The following TAFA1 variants were observed in gnomAD, a reference collection of about 807,000 sequenced individuals.
The protein encoded by TAFA1 is TAFA chemokine like family member 1.
In TAFA1, 4 loss-of-function variants were observed where a neutral mutation model predicts 18.5. The ratio of observed to expected loss-of-function variants is 0.22; its 90% CI spans 0.11 to 0.49. The LOEUF is 0.49. TAFA1 is among the 20% of genes least tolerant of loss of function. The probability of loss-of-function intolerance (pLI) is 0.98; values close to 1 mark genes in which losing one functional copy is unlikely to be tolerated. For missense variants in TAFA1, 147 were observed against 169.0 expected (o/e 0.87, Z 0.72); for synonymous variants, 56 against 55.2 (o/e 1.01, Z -0.06).
intron 2 of TAFA1, among the ~76,000 whole-genome samples, chr3:68,034,118 CA>C (rs2106659721): frequency 6.6e-6 from 1 of 152,238 alleles, no homozygotes; most frequent in African/African-American, 2.4e-5. Context: ...TAACCACCTC[CA>C]GTGTCCATGA....
chr3:68,060,179 TG>T (rs891065461), intron 2 of TAFA1, among the ~76,000 whole-genome samples: 1 of 149,144 alleles, frequency 6.7e-6, no homozygotes, highest in African/African-American at 2.5e-5. Context: ...AGTCCACCAT[TG>T]CAACTGTGTG....
chr3:68,394,337 G>A (rs1020537688), intron 2 of TAFA1, among the ~76,000 whole-genome samples: 9 of 152,132 alleles, frequency 5.9e-5, no homozygotes, highest in Non-Finnish European at 8.8e-5. Flanking sequence ...CCATGCTCAT[G>A]GATAGGAAGA....
chr3:68,053,626 A>T (rs762925068), intron 2 of TAFA1, among the ~76,000 whole-genome samples: 2 of 152,194 alleles, frequency 1.3e-5, no homozygotes, highest in African/African-American at 2.4e-5. Flanking sequence ...AGAGACACTC[A>T]AACGGCAAAT....
chr3:68,002,695 T>C (rs570466706), upstream of TAFA1, among the ~76,000 whole-genome samples: 1 of 152,324 alleles, frequency 6.6e-6, no homozygotes, highest in South Asian at 2.1e-4. Context: ...TTCCATTAAA[T>C]ATTTTATCCC....
intron 2 of TAFA1, among the ~76,000 whole-genome samples, chr3:68,203,099 A>G (rs962607637): frequency 6.6e-6 from 1 of 151,682 alleles, no homozygotes; most frequent in Non-Finnish European, 1.5e-5. Flanking sequence ...TTTTTCTTTC[A>G]ACCCTTCAAA....
chr3:68,180,976 G>T (rs561586684), intron 2 of TAFA1, among the ~76,000 whole-genome samples: 22 of 152,296 alleles, frequency 1.4e-4, no homozygotes, highest in African/African-American at 5.3e-4. Flanking sequence ...CCCTTCTCTA[G>T]CCTAGCTGGT....
chr3:68,011,127 G>T (rs1190580970), intron 2 of TAFA1, among the ~76,000 whole-genome samples: 1 of 149,646 alleles, frequency 6.7e-6, no homozygotes, highest in African/African-American at 2.5e-5. Flanking sequence ...ATGTGTGTGT[G>T]TGGGGGGTGG....
chr3:68,147,557 G>T (rs1411876521), intron 2 of TAFA1, among the ~76,000 whole-genome samples: 1 of 151,970 alleles, frequency 6.6e-6, no homozygotes, highest in African/African-American at 2.4e-5. Flanking sequence ...GGCCCCACCT[G>T]ATTGACCATC....
intron 2 of TAFA1, among the ~76,000 whole-genome samples, chr3:68,277,370 A>G (rs2067816530): frequency 6.6e-6 from 1 of 152,152 alleles, no homozygotes; most frequent in African/African-American, 2.4e-5. Context: ...TCGATTACTC[A>G]GGATCCTTCT....
At chr3:68,122,077 T>A (rs1157022756) in intron 2 of TAFA1, among the ~76,000 whole-genome samples, 1 of 152,148 alleles carries the variant, frequency 6.6e-6, no homozygotes, top group African/African-American at 2.4e-5. Flanking sequence ...TAACTCCATT[T>A]TACCAAGAAA....
At chr3:68,150,628 G>A (rs540970953) in intron 2 of TAFA1, among the ~76,000 whole-genome samples, 5 of 152,114 alleles carry the variant, frequency 3.3e-5, no homozygotes, top group Admixed American at 2.0e-4. Flanking sequence ...TGAGAAATGA[G>A]GTGTTGCAAG....
At chr3:68,044,920 G>A (rs916971917) in intron 2 of TAFA1, among the ~76,000 whole-genome samples, 2 of 152,194 alleles carry the variant, frequency 1.3e-5, no homozygotes, top group Non-Finnish European at 2.9e-5. Context: ...CATGTTCATC[G>A]TAATTGTATG....
intron 2 of TAFA1, among the ~76,000 whole-genome samples, chr3:68,100,190 A>G (rs6548985): frequency 0.51 from 77,147 of 151,976 alleles, 19,964 homozygotes; most frequent in South Asian, 0.63. Context: ...CAAAAGCTAT[A>G]AACATGTAGA....
intron 2 of TAFA1, among the ~76,000 whole-genome samples, chr3:68,271,733 A>G (rs1283921475): frequency 6.6e-6 from 1 of 151,968 alleles, no homozygotes; most frequent in East Asian, 1.9e-4. Context: ...TTGGGGAAAC[A>G]TTTGGAAAAC....
intron 2 of TAFA1, among the ~76,000 whole-genome samples, chr3:68,181,801 C>G (rs116302402): frequency 0.023 from 3,552 of 152,256 alleles, 72 homozygotes; most frequent in Middle Eastern, 0.037. Context: ...GAGGTTGCAA[C>G]ACTTTCATCT....
chr3:68,540,971 AC>A (rs1409228920), intron 4 of TAFA1, among the ~76,000 whole-genome samples: 2 of 152,192 alleles, frequency 1.3e-5, no homozygotes, highest in Non-Finnish European at 2.9e-5. Context: ...ACTGGAGCAC[AC>A]CATTTGCTAC....
At chr3:68,207,012 A>G (rs549746089) in intron 2 of TAFA1, among the ~76,000 whole-genome samples, 1 of 152,080 alleles carries the variant, frequency 6.6e-6, no homozygotes, top group East Asian at 1.9e-4. Flanking sequence ...ATTCAACATC[A>G]AAAAGTTCCC....
At chr3:68,293,722 T>C (rs1243746413) in intron 2 of TAFA1, among the ~76,000 whole-genome samples, 1 of 152,156 alleles carries the variant, frequency 6.6e-6, no homozygotes, top group Admixed American at 6.5e-5. Flanking sequence ...CTTAGGTTTT[T>C]CAGCAGAAAC....
intron 2 of TAFA1, among the ~76,000 whole-genome samples, chr3:68,302,389 C>T (rs2068320695): frequency 6.6e-6 from 1 of 152,144 alleles, no homozygotes; most frequent in Non-Finnish European, 1.5e-5. Flanking sequence ...TGCCTTTGGT[C>T]TCTCTCATTC....
Sources: gnomAD v4.1 joint callset for allele counts (sites outside exome capture counted in the v4.1 genomes callset) on GRCh38, gnomAD v4.1.1 for gene constraint, MANE v1.5 for transcripts, NCBI Gene and HGNC (gene_info 2026-07-23, HGNC 2026-07-21) for gene names.